Variants in SLC35F4 observed in about 807,000 individuals in gnomAD.
SLC35F4 encodes chromosome 14 open reading frame 36.
SLC35F4 carries 24 observed loss-of-function variants against 44.2 expected under a neutral mutation model. That is an observed-to-expected ratio of 0.54 (90% CI 0.39 to 0.76). The LOEUF is 0.76. Ranked by LOEUF, SLC35F4 falls within the 30% of genes least tolerant of loss-of-function variation. SLC35F4 has a pLI of 0.00. For missense variants in SLC35F4, 562 were observed against 586.1 expected, an observed-to-expected ratio of 0.96 and a Z score of 0.42; for synonymous variants, 238 against 223.6, an observed-to-expected ratio of 1.06 and a Z score of -0.57.
At chr14:57,870,584 C>G (rs1021066411), upstream of SLC35F4, among the ~76,000 whole-genome samples, 1 of 152,120 alleles carries the variant, frequency 6.6e-6, no homozygotes, top group Non-Finnish European at 1.5e-5. Flanking sequence ...AGACATAGAA[C>G]GCTTTGAGCT....
At chr14:57,637,500 TACACGTTTTATAAAGAAA>T (rs1271631370) in intron 1 of SLC35F4, among the ~76,000 whole-genome samples, 2 of 152,212 alleles carry the variant, frequency 1.3e-5, no homozygotes, top group East Asian at 3.9e-4. Context: ...TCTGCAGTCT[TACACGTTTTATAAAGAAA>T]CACACGCAAA....
chr14:57,969,039 G>A (rs945059612), intron 1 of SLC35F4, among the ~76,000 whole-genome samples: 12 of 152,200 alleles, frequency 7.9e-5, no homozygotes, highest in Non-Finnish European at 1.5e-4. Context: ...ATGTTAAAGA[G>A]GTCTTCATGG....
At chr14:57,716,461 C>A (rs1209463106) in intron 1 of SLC35F4, among the ~76,000 whole-genome samples, 1 of 152,082 alleles carries the variant, frequency 6.6e-6, no homozygotes, top group Non-Finnish European at 1.5e-5. Flanking sequence ...AATAATAGAA[C>A]ACTAGGCATA....
chr14:57,864,506 G>A (rs972821031), intron 1 of SLC35F4, among the ~76,000 whole-genome samples: 6 of 152,202 alleles, frequency 3.9e-5, no homozygotes, highest in African/African-American at 1.4e-4. Flanking sequence ...ACAGCCCATG[G>A]AACAAAGCTC....
Position 57,729,322 on chromosome 14 carries a change from G to A in SLC35F4, c.104-135198C>T, listed in dbSNP as rs113755046. Among the ~76,000 whole-genome samples the A allele has an allele frequency of 2.4e-3, 371 of 152,120 alleles. 1 individual carries two copies. The highest frequency in any genetic ancestry group is 8.2e-3 in the African/African-American group (342 of 41,480). On this transcript the variant is annotated intron_variant, in intron 1 of 7. Transcript: ENST00000556826. ...AAACAGAAGGAAAGAGTCTTTTACCGTAGCCACAAGAGCTGGAAATGTGCT... is the reference window on the plus strand; with the variant it reads ...AAACAGAAGGAAAGAGTCTTTTACCATAGCCACAAGAGCTGGAAATGTGCT...
At chr14:57,767,986 C>T (rs946966506) in intron 1 of SLC35F4, among the ~76,000 whole-genome samples, 4 of 152,094 alleles carry the variant, frequency 2.6e-5, no homozygotes, top group African/African-American at 9.7e-5. Flanking sequence ...GTCCTATTAC[C>T]ATTACAGAAA....
At chr14:57,747,483 G>C (rs2076786614) in intron 1 of SLC35F4, among the ~76,000 whole-genome samples, 1 of 152,070 alleles carries the variant, frequency 6.6e-6, no homozygotes, top group Admixed American at 6.6e-5. Context: ...GTAAAGAAAA[G>C]GGTATGATGA....
chr14:57,894,618 C>A (rs879369246), intron 1 of SLC35F4, among the ~76,000 whole-genome samples: 1 of 152,076 alleles, frequency 6.6e-6, no homozygotes, highest in Non-Finnish European at 1.5e-5. Flanking sequence ...TATTTGTGTA[C>A]TTTTCTATAA....
intron 1 of SLC35F4, among the ~76,000 whole-genome samples, chr14:57,716,738 T>C (rs150607267): frequency 6.0e-4 from 91 of 152,314 alleles, no homozygotes; most frequent in East Asian, 2.1e-3. Flanking sequence ...TGGGGAACAT[T>C]TGAAATCCTC....
chr14:57,721,698 G>A (rs1337196213), intron 1 of SLC35F4, among the ~76,000 whole-genome samples: 1 of 152,142 alleles, frequency 6.6e-6, no homozygotes, highest in East Asian at 1.9e-4. Context: ...ACTTGGAATG[G>A]GGACATGTGG....
chr14:57,719,658 C>A (rs1180856439), intron 1 of SLC35F4, among the ~76,000 whole-genome samples: 1 of 150,872 alleles, frequency 6.6e-6, no homozygotes, highest in African/African-American at 2.4e-5. Context: ...TGTATGTTAA[C>A]TTTGTATCAT....
At chr14:57,583,318 G>C (rs1253543851) in intron 3 of SLC35F4, among the ~76,000 whole-genome samples, 1 of 152,096 alleles carries the variant, frequency 6.6e-6, no homozygotes, top group Non-Finnish European at 1.5e-5. Context: ...CTGCCGTGTA[G>C]AGCTGGAGTT....
chr14:57,640,369 G>T (rs1241374198), intron 1 of SLC35F4, among the ~76,000 whole-genome samples: 2 of 151,956 alleles, frequency 1.3e-5, no homozygotes, highest in East Asian at 3.9e-4. Flanking sequence ...TTAGACTTTA[G>T]AAAGGAAAAA....
At chr14:57,818,104 G>C (rs576164467) in intron 1 of SLC35F4, among the ~76,000 whole-genome samples, 1 of 152,156 alleles carries the variant, frequency 6.6e-6, no homozygotes, top group African/African-American at 2.4e-5. Context: ...GTGGAATTTG[G>C]TAATGGCAGA....
intron 1 of SLC35F4, among the ~76,000 whole-genome samples, chr14:57,627,178 C>A (rs1483178356): frequency 1.3e-5 from 2 of 152,082 alleles, no homozygotes; most frequent in Non-Finnish European, 2.9e-5. Context: ...GACTTCAGAT[C>A]CTGTAACTTG....
chr14:57,591,151 G>T (rs373763331), intron 2 of SLC35F4, among the ~76,000 whole-genome samples: 1 of 152,200 alleles, frequency 6.6e-6, no homozygotes, highest in Non-Finnish European at 1.5e-5. Flanking sequence ...TCTACCAGGC[G>T]CTAGTTAGCT....
At chr14:57,681,619 A>T (rs2074906104) in intron 1 of SLC35F4, among the ~76,000 whole-genome samples, 1 of 152,122 alleles carries the variant, frequency 6.6e-6, no homozygotes, top group Non-Finnish European at 1.5e-5. Flanking sequence ...TAAAACACCA[A>T]AAGCAATGGC....
chr14:57,614,861 A>C (rs1245440245), intron 1 of SLC35F4, among the ~76,000 whole-genome samples: 1 of 152,222 alleles, frequency 6.6e-6, no homozygotes. Flanking sequence ...TTGTAAGACA[A>C]CATGTAGGGA....
At chr14:57,578,964 T>A (rs1410775033) in intron 4 of SLC35F4, 1 of 152,234 alleles carries the variant, frequency 6.6e-6, no homozygotes, top group African/African-American at 2.4e-5. Flanking sequence ...ACCAAAGGCA[T>A]CTCTAAGGAA....
Sources: gnomAD v4.1 joint callset for allele counts (sites outside exome capture counted in the v4.1 genomes callset) on GRCh38, gnomAD v4.1.1 for gene constraint, MANE v1.5 for transcripts, NCBI Gene and HGNC (gene_info 2026-07-23, HGNC 2026-07-21) for gene names.